TACR3: variants seen among roughly 807,000 people sequenced by gnomAD.
TACR3 encodes the protein tachykinin receptor 3.
A neutral mutation model predicts 35.0 loss-of-function variants in TACR3; 34 were observed. The ratio of observed to expected loss-of-function variants is 0.97; its 90% CI spans 0.74 to 1.30. TACR3 has a LOEUF of 1.30. Among genes scored for constraint, TACR3 ranks in the 50% most tolerant of loss-of-function variants. TACR3 has a pLI of 0.00. For missense variants in TACR3, 558 were observed against 591.7 expected (o/e 0.94, Z 0.59); for synonymous variants, 233 against 221.1 (o/e 1.05, Z -0.48).
rs569477769 is a variant in TACR3 at position 103,589,927 on chromosome 4, G to C, written c.1153C>G (p.Leu385Val). 1.4e-5 allele frequency: 22 copies of C among 1,613,958 alleles called. No individual in the cohort carries two copies. In the South Asian group the frequency reaches 2.2e-4, roughly 16 times the overall value. ...TGAAACCTGGTGGTCTTGAGCTCTA[G>C]CTCATCATAGCTGGAAACTTTGATG... ...PFIKVSSYDE[L>V]ELKTTRFHPN... Residue 385 changes from leucine (L) to valine (V), a missense_variant, in exon 5 of 5, where the codon CTA becomes GTA. Leu to Val is a conservative substitution (Grantham distance 32). Coordinates refer to ENST00000304883, the MANE Select transcript of TACR3 (RefSeq NM_001059.3).
chr4:103,599,570 A>G (rs1451068940), intron 3 of TACR3, among the ~76,000 whole-genome samples: 2 of 152,224 alleles, frequency 1.3e-5, no homozygotes, highest in African/African-American at 4.8e-5. Flanking sequence ...TTGCCCATTC[A>G]GTATGATATT....
chr4:103,594,795 C>T (rs1414546242), intron 3 of TACR3, among the ~76,000 whole-genome samples: 1 of 152,122 alleles, frequency 6.6e-6, no homozygotes, highest in Non-Finnish European at 1.5e-5. Context: ...GCCTTTAGAA[C>T]TTCTTGCGAA....
At chr4:103,688,726 G>A (rs112940698) in intron 1 of TACR3, among the ~76,000 whole-genome samples, 21,618 of 150,108 alleles carry the variant, frequency 0.14, 1,697 homozygotes, top group East Asian at 0.4. Flanking sequence ...TTAGAATGGC[G>A]ATCATTAAAA....
intron 3 of TACR3, among the ~76,000 whole-genome samples, chr4:103,640,420 T>G (rs902692600): frequency 2.3e-5 from 3 of 132,174 alleles, no homozygotes; most frequent in African/African-American, 9.1e-5. Context: ...TGATTAGTGA[T>G]GTAGAGAGTT....
chr4:103,681,100 G>T (rs868121823), intron 1 of TACR3, among the ~76,000 whole-genome samples: 1 of 151,526 alleles, frequency 6.6e-6, no homozygotes, highest in African/African-American at 2.4e-5. Context: ...CAACAGATTT[G>T]CTTGTTTTCT....
chr4:103,695,883 C>T (rs1722511109), intron 1 of TACR3, among the ~76,000 whole-genome samples: 1 of 152,090 alleles, frequency 6.6e-6, no homozygotes, highest in African/African-American at 2.4e-5. Flanking sequence ...ATTTCAGAAT[C>T]CACTTAGATG....
chr4:103,605,162 AT>A (rs1219047932), intron 3 of TACR3, among the ~76,000 whole-genome samples: 1 of 148,720 alleles, frequency 6.7e-6, no homozygotes, highest in Admixed American at 6.7e-5. Flanking sequence ...TGAACTCATC[AT>A]TTTTTATGGC....
At chr4:103,617,493 A>G (rs1164486245) in intron 3 of TACR3, among the ~76,000 whole-genome samples, 3 of 152,160 alleles carry the variant, frequency 2.0e-5, no homozygotes, top group South Asian at 4.1e-4. Context: ...CATCATTACT[A>G]GAAGAAAAAA....
intron 3 of TACR3, among the ~76,000 whole-genome samples, chr4:103,627,181 C>CA (rs33988758): frequency 0.013 from 331 of 24,706 alleles, 82 homozygotes; most frequent in African/African-American, 0.043. Context: ...GACTCCGTCT[C>CA]AAAAAAAAAA....
chr4:103,612,707 G>A lies in TACR3; in HGVS notation c.889-21024C>T, dbSNP rs138026012. ...GTTTTTTAGTAGAGATTGGGATCTC[G>A]CCATGTTGGCCAGGTTGGTCTCAAA... On this transcript the variant is annotated intron_variant, in intron 3 of 4. Coordinates refer to ENST00000304883, the MANE Select transcript of TACR3 (RefSeq NM_001059.3). Among the ~76,000 whole-genome samples the A allele has an allele frequency of 9.5e-4, 144 of 151,936 alleles. 1 individual carries two copies. Among genetic ancestry groups the A allele is most frequent in the Non-Finnish European group, 1.0e-3 (71 of 67,932 alleles).
chr4:103,590,081 A>T, intron 4 of TACR3, 87 bp from the exon 5 acceptor site: 1 of 1,511,300 alleles, frequency 6.6e-7, no homozygotes, highest in East Asian at 2.5e-5. Context: ...TACCTAAGGC[A>T]GTTATAACAA....
chr4:103,716,678 A>G (rs967341503), intron 1 of TACR3, among the ~76,000 whole-genome samples: 1 of 150,732 alleles, frequency 6.6e-6, no homozygotes, highest in Non-Finnish European at 1.5e-5. Context: ...AACAAAAGCC[A>G]TATGTGCCCA....
intron 1 of TACR3, among the ~76,000 whole-genome samples, chr4:103,705,366 A>T (rs1024250617): frequency 6.6e-6 from 1 of 152,004 alleles, no homozygotes; most frequent in Non-Finnish European, 1.5e-5. Context: ...TGGCCTTTTC[A>T]TTCATTTATT....
intron 1 of TACR3, among the ~76,000 whole-genome samples, chr4:103,675,995 A>G (rs115753994): frequency 6.6e-6 from 1 of 152,176 alleles, no homozygotes; most frequent in African/African-American, 2.4e-5. Flanking sequence ...CAGATACAGA[A>G]TAATCACTCT....
chr4:103,587,252 T>G lies in TACR3; in HGVS notation c.*2430A>C, dbSNP rs1343398208. ...GAGTGAAAAATCTTCTCTTTTATAT[T>G]TCACTCTTGTTTTATTATTGTCGTT... On this transcript the variant is annotated 3_prime_UTR_variant, in exon 5 of 5. Coordinates refer to ENST00000304883, the MANE Select transcript of TACR3 (RefSeq NM_001059.3). 2 of 152,136 alleles carry G rather than the reference T, an allele frequency of 1.3e-5. No homozygotes were observed. 9.4% of individuals were successfully genotyped at this position (152,136 alleles called of 1,614,324 possible). A position where few individuals can be genotyped will look rare whatever the true frequency, so the allele number is the denominator to read the frequency against.
At chr4:103,591,221 T>G in intron 4 of TACR3, 1 of 463,322 alleles carries the variant, frequency 2.2e-6, no homozygotes. Context: ...AATTCTGAGA[T>G]TTTGGAGGAA....
At chr4:103,610,023 G>A (rs1724477217) in intron 3 of TACR3, among the ~76,000 whole-genome samples, 1 of 151,952 alleles carries the variant, frequency 6.6e-6, no homozygotes, top group Non-Finnish European at 1.5e-5. Context: ...ATCTCTTGGT[G>A]GACACTTAGG....
At chr4:103,704,105 C>CAAAAAAAAAA (rs59034473) in intron 1 of TACR3, among the ~76,000 whole-genome samples, 45 of 64,634 alleles carry the variant, frequency 7.0e-4, no homozygotes, top group East Asian at 1.1e-3. Context: ...CTCTATCTCA[C>CAAAAAAAAAA]AAAAAAAAAA....
intron 3 of TACR3, among the ~76,000 whole-genome samples, chr4:103,649,865 A>G (rs909405398): frequency 5.3e-5 from 8 of 152,008 alleles, no homozygotes; most frequent in Non-Finnish European, 1.2e-4. Context: ...TCATTGCATG[A>G]GGTCATGTTT....
Sources: gnomAD v4.1 joint callset for allele counts (sites outside exome capture counted in the v4.1 genomes callset) on GRCh38, gnomAD v4.1.1 for gene constraint, MANE v1.5 for transcripts, NCBI Gene and HGNC (gene_info 2026-07-23, HGNC 2026-07-21) for gene names.